UNC79: variants seen among roughly 807,000 people sequenced by gnomAD.
UNC79 encodes the protein protein unc-79 homolog.
UNC79 carries 37 observed loss-of-function variants against 283.1 expected under a neutral mutation model. The ratio of observed to expected loss-of-function variants is 0.13; its 90% CI spans 0.10 to 0.17. The LOEUF (loss-of-function observed/expected upper bound fraction) is 0.17, where lower values mean the gene tolerates loss of function less well. UNC79 is among the 10% of genes least tolerant of loss of function. UNC79 has a pLI of 1.00. For missense variants in UNC79, 2,272 were observed against 3,211.1 expected, an observed-to-expected ratio of 0.71 and a Z score of 7.07; for synonymous variants, 1,107 against 1,200.2, an observed-to-expected ratio of 0.92 and a Z score of 1.61.
At chr14:93,707,644 C>A (rs1458184744), downstream of UNC79, 1 of 152,230 alleles carries the variant, frequency 6.6e-6, no homozygotes, top group African/African-American at 2.4e-5. Flanking sequence ...AGCTTGCACA[C>A]TGGACCAGAT....
At chr14:93,663,591 C>T (rs1388696932) in intron 40 of UNC79, among the ~76,000 whole-genome samples, 1 of 152,012 alleles carries the variant, frequency 6.6e-6, no homozygotes, top group Non-Finnish European at 1.5e-5. Context: ...CATTCTTGTC[C>T]CCTTTCTTAC....
intron 4 of UNC79, among the ~76,000 whole-genome samples, chr14:93,479,022 G>A (rs932837971): frequency 6.6e-6 from 1 of 152,066 alleles, no homozygotes; most frequent in Non-Finnish European, 1.5e-5. Context: ...TACAATATTT[G>A]ATCATTTTCT....
intron 1 of UNC79, among the ~76,000 whole-genome samples, chr14:93,374,434 G>A (rs886853112): frequency 7.9e-5 from 12 of 152,164 alleles, no homozygotes; most frequent in Admixed American, 5.9e-4. Context: ...CTGGGTTTCC[G>A]ACTTGCTTGG....
chr14:93,572,507 G>T (rs2063263539), intron 15 of UNC79, among the ~76,000 whole-genome samples, 186 bp from the exon 16 acceptor site: 1 of 152,210 alleles, frequency 6.6e-6, no homozygotes, highest in African/African-American at 2.4e-5. Flanking sequence ...TTATTTATAA[G>T]ATCTCTATTT....
chr14:93,461,540 C>A (rs750006023), intron 1 of UNC79, among the ~76,000 whole-genome samples: 10 of 151,978 alleles, frequency 6.6e-5, no homozygotes, highest in African/African-American at 9.7e-5. Flanking sequence ...AACAGTTGGC[C>A]TTCTGGGCTA....
intron 14 of UNC79, among the ~76,000 whole-genome samples, chr14:93,545,015 T>C (rs541819894): frequency 6.6e-6 from 1 of 152,278 alleles, no homozygotes; most frequent in South Asian, 2.1e-4. Context: ...AGAGTCTTAA[T>C]AATGATCTAG....
chr14:93,455,170 CCT>C (rs1198242495), intron 1 of UNC79, among the ~76,000 whole-genome samples: 4 of 152,164 alleles, frequency 2.6e-5, no homozygotes, highest in African/African-American at 9.7e-5. Context: ...GACTGTTCAG[CCT>C]CTCTACCTGT....
In UNC79 at chr14:93,634,638, G is replaced by A. The variant is rs748048513; in HGVS notation, c.5717-2578G>A. 3.1e-6 allele frequency: 5 copies of A among 1,613,308 alleles called. No individual in the cohort carries two copies. The highest frequency in any genetic ancestry group is 2.7e-5 in the African/African-American group (2 of 75,026). ...CATAACATCAGCAACTGGGACACTG[G>A]TGGGTCAAGCTTTTTCTTCTCATTC... On this transcript the variant is annotated intron_variant, in intron 31 of 48. Transcript: ENST00000555664.
In UNC79 at chr14:93,420,965, A is replaced by T. The variant is rs143735602; in HGVS notation, c.-350-46706A>T. 2.8e-3 allele frequency among the ~76,000 whole-genome samples: 431 copies of T among 151,910 alleles called. 8 individuals are homozygous for T. Among genetic ancestry groups the T allele is most frequent in the Non-Finnish European group, 4.6e-3 (309 of 67,894 alleles). On this transcript the variant is annotated intron_variant, in intron 1 of 49. Transcript: ENST00000256339. ...GGGATATAGCAAAAGCAGTATGAAGATGGAAGTTCCCAGCTATAAGTGCCT... is the reference window on the plus strand; with the variant it reads ...GGGATATAGCAAAAGCAGTATGAAGTTGGAAGTTCCCAGCTATAAGTGCCT...
intron 26 of UNC79, among the ~76,000 whole-genome samples, chr14:93,610,691 G>C (rs979785237): frequency 6.6e-6 from 1 of 151,334 alleles, no homozygotes; most frequent in African/African-American, 2.4e-5. Context: ...GCTCACTGCA[G>C]CTTCAACTTC....
intron 16 of UNC79, among the ~76,000 whole-genome samples, chr14:93,574,136 TC>T (rs1356984954): frequency 6.6e-6 from 1 of 152,250 alleles, no homozygotes; most frequent in Non-Finnish European, 1.5e-5. Flanking sequence ...GGATGTTGCC[TC>T]AGTTACCCCG....
intron 14 of UNC79, among the ~76,000 whole-genome samples, chr14:93,558,740 T>G (rs990573251): frequency 5.3e-5 from 8 of 151,690 alleles, no homozygotes; most frequent in African/African-American, 1.7e-4. Flanking sequence ...GGTTTCCCTG[T>G]CTCTGCAGCT....
intron 22 of UNC79, among the ~76,000 whole-genome samples, chr14:93,589,841 T>C (rs2064525918): frequency 6.6e-6 from 1 of 152,098 alleles, no homozygotes; most frequent in African/African-American, 2.4e-5. Context: ...GGTGGGAGGA[T>C]CACTTAAGGC....
At chr14:93,480,674 A>T (rs1417356599) in intron 4 of UNC79, among the ~76,000 whole-genome samples, 2 of 152,176 alleles carry the variant, frequency 1.3e-5, no homozygotes, top group African/African-American at 4.8e-5. Context: ...AACCAGAAGG[A>T]TATAGTTTCA....
intron 1 of UNC79, among the ~76,000 whole-genome samples, chr14:93,437,070 T>C (rs1480482148): frequency 3.9e-5 from 6 of 152,184 alleles, no homozygotes; most frequent in African/African-American, 1.4e-4. Context: ...TATATTTATG[T>C]ATATATACAT....
intron 1 of UNC79, among the ~76,000 whole-genome samples, chr14:93,361,510 CAAA>C (rs35635849): frequency 2.6e-4 from 36 of 138,634 alleles, no homozygotes; most frequent in Admixed American, 3.6e-4. Context: ...GACACTATCT[CAAA>C]AAAAAAAAAA....
intron 1 of UNC79, among the ~76,000 whole-genome samples, chr14:93,350,128 ATAGT>A (rs1305567376): frequency 1.3e-5 from 2 of 152,106 alleles, no homozygotes; most frequent in Non-Finnish European, 2.9e-5. Context: ...TTCACATCTG[ATAGT>A]TCAGGATTTC....
At chr14:93,502,904 AAG>A (rs1372200515) in intron 7 of UNC79, among the ~76,000 whole-genome samples, 1 of 152,218 alleles carries the variant, frequency 6.6e-6, no homozygotes, top group Non-Finnish European at 1.5e-5. Flanking sequence ...AGTTAAGTGC[AAG>A]AAGGTCTACC....
chr14:93,582,724 G>A (rs1355310779), intron 20 of UNC79, among the ~76,000 whole-genome samples: 2 of 152,210 alleles, frequency 1.3e-5, no homozygotes, highest in African/African-American at 4.8e-5. Flanking sequence ...GGGCTGTGCA[G>A]GCTGAGCTCG....
Sources: allele counts gnomAD v4.1 joint callset (sites outside exome capture counted in the v4.1 genomes callset), GRCh38; gene constraint gnomAD v4.1.1; transcripts MANE v1.5; gene names NCBI Gene and HGNC (gene_info 2026-07-23, HGNC 2026-07-21).